AZIN2: variants seen among roughly 807,000 people sequenced by gnomAD.
AZIN2 encodes ODC antizyme inhibitor-2.
A neutral mutation model predicts 47.8 loss-of-function variants in AZIN2; 28 were observed. That is an observed-to-expected ratio of 0.59 (90% CI 0.43 to 0.80). AZIN2 has a LOEUF of 0.80. Ranked by LOEUF, AZIN2 falls within the 30% of genes least tolerant of loss-of-function variation. The pLI is 0.00. For missense variants in AZIN2, 535 were observed against 582.5 expected (o/e 0.92, Z 0.84); for synonymous variants, 221 against 239.4 (o/e 0.92, Z 0.71).
chr1:33,126,982 C>T (rs1292925618), downstream of AZIN2, among the ~76,000 whole-genome samples: 2 of 152,198 alleles, frequency 1.3e-5, no homozygotes, highest in Non-Finnish European at 2.9e-5. Flanking sequence ...CTGCATGTCC[C>T]TCTCTGGGTT....
the AZIN2 span, chr1:33,146,678 T>C: frequency 1.2e-5 from 2 of 170,612 alleles, no homozygotes; most frequent in African/African-American, 4.8e-5. Context: ...CAGGCAACCC[T>C]AGGACCAGGT....
At chr1:33,098,271 C>T (rs1643370097) in intron 10 of AZIN2, 92 bp downstream of exon 10, 10 of 957,804 alleles carry the variant, frequency 1.0e-5, no homozygotes, top group Non-Finnish European at 1.4e-5. Flanking sequence ...AAAAGTCAAA[C>T]ATATTTATTG....
At chr1:33,126,531 G>A (rs376500956), downstream of AZIN2, among the ~76,000 whole-genome samples, 3 of 152,110 alleles carry the variant, frequency 2.0e-5, no homozygotes, top group African/African-American at 4.8e-5. Context: ...GTGGTGGTGC[G>A]GTACCCCTGA....
At chr1:33,116,446 C>T (rs1644544493) in intron 10 of AZIN2, among the ~76,000 whole-genome samples, 1 of 152,142 alleles carries the variant, frequency 6.6e-6, no homozygotes, top group Admixed American at 6.5e-5. Flanking sequence ...CCATCTATGC[C>T]CTTTGGATGG....
chr1:33,098,190 C>T lies in AZIN2; in HGVS notation c.1029+11C>T. 6.3e-7 allele frequency: 1 copy of T among 1,575,604 alleles called. No individual in the cohort carries two copies. Among genetic ancestry groups the T allele is most frequent in the Non-Finnish European group, 8.7e-7 (1 of 1,152,498 alleles). The stretch of plus-strand genomic sequence containing the variant: ...CCCATCCTGCAGAAGGTGAGCTTAC[C>T]CCACGTGGGCCTGTTTTCAGTTGTG... On this transcript the variant is annotated intron_variant, in intron 10 of 11. Transcript: ENST00000294517.
At chr1:33,133,605 C>T in the AZIN2 span, among the ~76,000 whole-genome samples, 3 of 152,134 alleles carry the variant, frequency 2.0e-5, no homozygotes, top group Non-Finnish European at 4.4e-5. Context: ...GCCACCCATG[C>T]CTGGCCAAAG....
At chr1:33,159,120 C>G in the AZIN2 span, among the ~76,000 whole-genome samples, 1 of 152,078 alleles carries the variant, frequency 6.6e-6, no homozygotes, top group South Asian at 2.1e-4. The surrounding 1 kb of genome is among the most constrained non-coding windows in gnomAD (Gnocchi z 4.2). Flanking sequence ...GCTGGGATTA[C>G]AGGTGTGAGC....
the AZIN2 span, chr1:33,159,881 G>A: frequency 3.1e-6 from 5 of 1,611,672 alleles, no homozygotes; most frequent in African/African-American, 1.3e-5. This position sits in a 1 kb window ranked among gnomAD's most constrained non-coding sequence, Gnocchi z 4.2. Context: ...TGGCGTTCAC[G>A]CAGCAGCCGG....
chr1:33,094,749 A>G, intron 8 of AZIN2, 36 bp downstream of exon 8: 3 of 1,609,778 alleles, frequency 1.9e-6, no homozygotes, highest in African/African-American at 1.3e-5. Flanking sequence ...GCTGGGCTCT[A>G]TGGCGGGGAG....
the AZIN2 span, chr1:33,146,116 C>T: frequency 3.4e-5 from 9 of 264,746 alleles, no homozygotes; most frequent in East Asian, 1.1e-4. Flanking sequence ...ATGAATCTGG[C>T]GCTGGGAGTT....
intron 5 of AZIN2, 124 bp downstream of exon 5, chr1:33,084,251 A>G (rs1487168983): frequency 1.8e-6 from 2 of 1,137,656 alleles, no homozygotes; most frequent in Non-Finnish European, 2.5e-6. Context: ...CTCTGGGAAG[A>G]CCACCCACTC....
At chr1:33,145,708 C>G in the AZIN2 span, 2 of 360,796 alleles carry the variant, frequency 5.5e-6, no homozygotes, top group Admixed American at 7.8e-5. Context: ...GTCTTGCAGC[C>G]CACTCCTCCA....
the AZIN2 span, chr1:33,165,599 G>A: frequency 3.8e-6 from 6 of 1,565,556 alleles, no homozygotes; most frequent in South Asian, 2.3e-5. The surrounding 1 kb of genome is among the most constrained non-coding windows in gnomAD (Gnocchi z 4.0). Context: ...ATGGGGGCAG[G>A]GGCCATGCCT....
chr1:33,093,093 C>T lies in AZIN2; in HGVS notation c.453-189C>T, dbSNP rs1232259962. The T allele has an allele frequency of 4.2e-6, 3 of 707,532 alleles. No homozygotes were observed. The East Asian group carries it at 8.7e-5, about 21-fold the overall frequency. 43.8% of individuals were successfully genotyped at this position (707,532 alleles called of 1,614,324 possible). A position where few individuals can be genotyped will look rare whatever the true frequency, so the allele number is the denominator to read the frequency against. ...GGGCGCAGGGGCTGCAGGAATGGGT[C>T]AGGGACATTTAGAGAATGGATTGGA... On this transcript the variant is annotated intron_variant, in intron 6 of 11. Coordinates refer to ENST00000294517, the MANE Select transcript of AZIN2 (RefSeq NM_052998.4).
chr1:33,142,087 A>G, the AZIN2 span: 1 of 152,202 alleles, frequency 6.6e-6, no homozygotes, highest in Non-Finnish European at 1.5e-5. Context: ...TGATAATTCA[A>G]CACCTTTGTT....
chr1:33,089,152 T>C (rs1490169907), intron 5 of AZIN2, among the ~76,000 whole-genome samples: 1 of 152,246 alleles, frequency 6.6e-6, no homozygotes, highest in Non-Finnish European at 1.5e-5. Flanking sequence ...ACTTAGAAGC[T>C]GTGTGATTTT....
chr1:33,127,475 T>A (rs576107548), downstream of AZIN2, among the ~76,000 whole-genome samples: 3 of 152,338 alleles, frequency 2.0e-5, no homozygotes, highest in East Asian at 5.8e-4. Context: ...TCAACCAATG[T>A]TAAACCGAAC....
chr1:33,141,104 C>T, the AZIN2 span, among the ~76,000 whole-genome samples: 1 of 151,998 alleles, frequency 6.6e-6, no homozygotes, highest in African/African-American at 2.4e-5. Flanking sequence ...ATGTTGGGGC[C>T]CGTGATGCTG....
intron 5 of AZIN2, among the ~76,000 whole-genome samples, chr1:33,086,018 C>T (rs1641852590): frequency 6.6e-6 from 1 of 152,182 alleles, no homozygotes; most frequent in Admixed American, 6.5e-5. Flanking sequence ...TTTTCTGCTT[C>T]AGGAACCCCA....
Sources: allele counts gnomAD v4.1 joint callset (sites outside exome capture counted in the v4.1 genomes callset), GRCh38; gene constraint gnomAD v4.1.1; non-coding constraint Gnocchi (gnomAD v3.1); transcripts MANE v1.5; gene names NCBI Gene and HGNC (gene_info 2026-07-23, HGNC 2026-07-21).